ITPR3: variants seen among roughly 807,000 people sequenced by gnomAD.
ITPR3 encodes the protein inositol 1,4,5-trisphosphate-gated calcium channel ITPR3.
Under a neutral mutation model 293.2 loss-of-function variants are expected in ITPR3, and 173 were observed. The observed-to-expected ratio is 0.59, with a 90% CI of 0.52 to 0.67. ITPR3 has a LOEUF of 0.67. Among genes scored for constraint, ITPR3 ranks in the 30% least tolerant of loss-of-function variants. ITPR3 has a pLI of 0.00. For synonymous variants in ITPR3, 1,295 were observed against 1,444.4 expected (o/e 0.90, Z 2.35); for missense variants, 2,796 against 3,592.1 (o/e 0.78, Z 5.66).
At chr6:33,645,566 G>A (rs552157455) in intron 2 of ITPR3, among the ~76,000 whole-genome samples, 3 of 152,260 alleles carry the variant, frequency 2.0e-5, no homozygotes, top group East Asian at 3.9e-4. Context: ...TCGTGTGCTC[G>A]GGTTCCTCTG....
Position 33,675,800 on chromosome 6 carries a change from C to A in ITPR3, c.3226C>A (p.Gln1076Lys). 6.2e-7 allele frequency: 1 copy of A among 1,604,988 alleles called. No homozygotes were observed. The highest frequency in any genetic ancestry group is 1.1e-5 in the South Asian group (1 of 89,690). Reference sequence around the variant, plus strand: ...TGCGCCGCTGGTCTCGGGTGCCCTGCAGCTGCTCTTCAAGCACTTCAGCCA... The same window carrying A: ...TGCGCCGCTGGTCTCGGGTGCCCTGAAGCTGCTCTTCAAGCACTTCAGCCA... The part of the protein sequence containing the change: ...DYAPLVSGAL[Q>K]LLFKHFSQRQ... Residue 1076 changes from glutamine (Q) to lysine (K), a missense_variant, in exon 25 of 58, where the codon CAG becomes AAG. This residue lies in a region of ITPR3 where 955 missense variants were observed against 1,180.8 expected (regional missense o/e 0.81). Coordinates refer to ENST00000605930, the MANE Select transcript of ITPR3 (RefSeq NM_002224.4). The surrounding 1 kb of genome is among the most constrained non-coding windows in gnomAD (Gnocchi z 5.0).
chr6:33,693,702 C>G lies in ITPR3; in HGVS notation c.7782C>G (p.Ile2594Met), dbSNP rs1403725981. 8 of 1,613,890 alleles carry G rather than the reference C, an allele frequency of 5.0e-6. No homozygotes were observed. Among genetic ancestry groups the G allele is most frequent in the Non-Finnish European group, 6.8e-6 (8 of 1,179,958 alleles). ...TGPESYVAQM[I>M]KNKNLDWFPR... The stretch of plus-strand genomic sequence containing the variant: ...CTGAGAGCTACGTGGCCCAGATGAT[C>G]AAGGTGTGAGCAGGGGCTGTGCCAG... The change falls in exon 56 of 58, where the codon ATC (isoleucine) becomes ATG (methionine). Residue 2594 changes from isoleucine (I) to methionine (M), a missense_variant. Transcript: ENST00000605930.
rs763823799 is a variant in ITPR3 at position 33,677,016 on chromosome 6, G to T, written c.3449G>T (p.Arg1150Leu). The change falls in exon 27 of 58, where the codon CGT becomes CTT. Residue 1150 changes from arginine to leucine, a missense_variant and splice_region_variant. Physicochemically the swap from Arg to Leu is moderately radical, Grantham distance 102. Transcript: ENST00000605930. Reference protein sequence around the residue: ...EAGAAKDKKERPTDEEGFLHP... With the variant: ...EAGAAKDKKELPTDEEGFLHP... ...TCTCCTTCCTCTCTCTGCTTTCAGC[G>T]TCCCACGGACGAGGAGGGCTTTCTG... is the stretch of plus-strand genomic sequence containing the variant. 3.1e-6 allele frequency: 5 copies of T among 1,614,186 alleles called. No homozygotes were observed. Among genetic ancestry groups the T allele is most frequent in the Non-Finnish European group, 8.5e-7 (1 of 1,180,012 alleles).
chr6:33,686,018 A>G, intron 41 of ITPR3, 35 bp from the exon 42 acceptor site: 1 of 1,609,670 alleles, frequency 6.2e-7, no homozygotes, highest in South Asian at 1.1e-5. Flanking sequence ...TCCGTGCTGT[A>G]GCTGTGCTGT....
chr6:33,653,646 A>G (rs1224252639), intron 2 of ITPR3, among the ~76,000 whole-genome samples: 1 of 152,228 alleles, frequency 6.6e-6, no homozygotes, highest in Non-Finnish European at 1.5e-5. Flanking sequence ...AACACTGCTC[A>G]TAGATGTCCA....
At chr6:33,685,983 C>T (rs1765219210) in intron 41 of ITPR3, 70 bp from the exon 42 acceptor site, 3 of 1,567,428 alleles carry the variant, frequency 1.9e-6, no homozygotes, top group Admixed American at 1.7e-5. Flanking sequence ...CACACAAGAT[C>T]GTGCTTCCCA....
Position 33,686,439 on chromosome 6 carries a change from A to T in ITPR3, c.5899A>T (p.Ile1967Leu), listed in dbSNP as rs201571621. The T allele has an allele frequency of 6.2e-6, 10 of 1,614,118 alleles. 1 individual carries two copies. In the Admixed American group the frequency reaches 1.7e-4, roughly 27 times the overall value. ...TCIVTHESNGIDIITALILND... is the reference protein window; with the variant it reads ...TCIVTHESNGLDIITALILND... ...CATTGTGACTCACGAGTCCAATGGC[A>T]TAGACATCATCACCGCACTGATCCT... The change falls in exon 43 of 58, where the codon ATA becomes TTA. Residue 1967 changes from isoleucine to leucine, a missense_variant. Physicochemically the swap from Ile to Leu is conservative, Grantham distance 5. Transcript: ENST00000605930.
chr6:33,659,614 C>A, intron 7 of ITPR3, 65 bp downstream of exon 7: 2 of 1,361,488 alleles, frequency 1.5e-6, no homozygotes, highest in Non-Finnish European at 2.1e-6. Flanking sequence ...GGGCCCTCTT[C>A]CTGCCTTCTC....
In ITPR3 at chr6:33,686,789, G is replaced by A. The variant is rs373977916; in HGVS notation, c.5980-220G>A. On this transcript the variant is annotated intron_variant, in intron 43 of 57. Coordinates refer to ENST00000605930, the MANE Select transcript of ITPR3 (RefSeq NM_002224.4). ...TTGCTATGTGTGTGTCTGCTGTCTG[G>A]GTAGCTGAGTGTTTGCCACAGCGGG... Among the ~76,000 whole-genome samples the A allele has an allele frequency of 7.5e-4, 114 of 152,286 alleles. 3 individuals carry two copies. In the South Asian group the frequency reaches 0.02, roughly 27 times the overall value.
chr6:33,687,312 T>C lies in ITPR3; in HGVS notation c.6162T>C (p.Tyr2054=). 6.2e-7 allele frequency: 1 copy of C among 1,610,054 alleles called. No homozygotes were observed. The highest frequency in any genetic ancestry group is 8.5e-7 in the Non-Finnish European group (1 of 1,176,752). The stretch of plus-strand genomic sequence containing the variant: ...CACGTGAAGTGGGCCATAACATCTA[T>C]ATCCTGGCGCTGCAGGTACCAGTTC... ...VSPREVGHNI[Y]ILALQLSRHN... The change falls in exon 45 of 58, where the codon TAT becomes TAC. Residue 2054 remains tyrosine, a synonymous_variant. Coordinates refer to ENST00000605930, the MANE Select transcript of ITPR3 (RefSeq NM_002224.4). The surrounding 1 kb of genome is among the most constrained non-coding windows in gnomAD (Gnocchi z 5.3).
At chr6:33,635,964 A>T (rs905404729) in intron 1 of ITPR3, among the ~76,000 whole-genome samples, 1 of 151,606 alleles carries the variant, frequency 6.6e-6, no homozygotes, top group African/African-American at 2.4e-5. Context: ...TTCTGAGTGG[A>T]GTGCTGGCCT....
intron 3 of ITPR3, 49 bp from the exon 4 acceptor site, chr6:33,657,883 T>C: frequency 6.5e-7 from 1 of 1,539,122 alleles, no homozygotes; most frequent in Non-Finnish European, 9.0e-7. Flanking sequence ...TGTCTTCCTC[T>C]AGGAGCAGCT....
intron 2 of ITPR3, among the ~76,000 whole-genome samples, chr6:33,648,628 G>A (rs544617895): frequency 6.7e-6 from 1 of 150,288 alleles, no homozygotes; most frequent in South Asian, 2.1e-4. Flanking sequence ...TTTCTTTTCT[G>A]AGACAGGGTC....
intron 25 of ITPR3, 82 bp from the exon 26 acceptor site, chr6:33,676,686 A>C: frequency 6.6e-7 from 1 of 1,524,116 alleles, no homozygotes; most frequent in Non-Finnish European, 9.0e-7. Context: ...GGGGAACCCT[A>C]GAGTAAGGAA....
chr6:33,695,103 T>C lies in ITPR3; in HGVS notation c.7947+18T>C, dbSNP rs1182725064. ...AGGAGCAGGTGTGCACCCCGCCTGA[T>C]CCCAGGCCCACCCTGGGTTCTATCC... is the stretch of plus-strand genomic sequence containing the variant. On this transcript the variant is annotated intron_variant, in intron 57 of 57. Transcript: ENST00000605930. 6.2e-7 allele frequency: 1 copy of C among 1,611,774 alleles called. No homozygotes were observed. Among genetic ancestry groups the C allele is most frequent in the South Asian group, 1.1e-5 (1 of 90,990 alleles).
At chr6:33,661,168 C>T (rs924563857) in intron 7 of ITPR3, among the ~76,000 whole-genome samples, 1 of 152,220 alleles carries the variant, frequency 6.6e-6, no homozygotes, top group African/African-American at 2.4e-5. Flanking sequence ...ATCTTTATAT[C>T]GTCATTCATT....
In ITPR3 at chr6:33,683,381, T is replaced by C. The variant is rs151124791; in HGVS notation, c.4772T>C (p.Ile1591Thr). The C allele has an allele frequency of 4.6e-4, 733 of 1,577,458 alleles. No homozygotes were observed. The highest frequency in any genetic ancestry group is 5.9e-4 in the Non-Finnish European group (684 of 1,159,028). The change falls in exon 35 of 58, where the codon ATC becomes ACC. Residue 1591 changes from isoleucine (I) to threonine (T), a missense_variant. By Grantham distance (89) the Ile-to-Thr change is moderately conservative. This residue lies in a region of ITPR3 where 704 missense variants were observed against 797.5 expected (regional missense o/e 0.88). Transcript: ENST00000605930. The surrounding 1 kb of genome is among the most constrained non-coding windows in gnomAD (Gnocchi z 4.5). ...PTANQWDYKN[I>T]IEKLQDIITA... Reference sequence around the variant, plus strand: ...GCCAACCAGTGGGACTACAAGAACATCATTGAGAAGCTGCAGGTGGGTGTG... The same window carrying C: ...GCCAACCAGTGGGACTACAAGAACACCATTGAGAAGCTGCAGGTGGGTGTG...
At chr6:33,657,815 CTG>C (rs3831080) in intron 3 of ITPR3, 115 bp from the exon 4 acceptor site, 20,651 of 613,116 alleles carry the variant, frequency 0.034, no homozygotes, top group Non-Finnish European at 0.038. Flanking sequence ...TCCAGGGTGA[CTG>C]TGTGTGTGTG....
chr6:33,687,157 TGGG>T lies in ITPR3; in HGVS notation c.6075+55_6075+57del. On this transcript the variant is annotated intron_variant, in intron 44 of 57. Transcript: ENST00000605930. This position sits in a 1 kb window ranked among gnomAD's most constrained non-coding sequence, Gnocchi z 5.3. ...CGGAACCAGGTGGAGTGTGTTGGGATGGGGATGAGGGCCCGGCTGGCCCTACCG... is the reference window on the plus strand; with the variant it reads ...CGGAACCAGGTGGAGTGTGTTGGGATGATGAGGGCCCGGCTGGCCCTACCG... 1 of 1,602,062 alleles carries T rather than the reference TGGG, an allele frequency of 6.2e-7. No individual in the cohort carries two copies. The highest frequency in any genetic ancestry group is 8.5e-7 in the Non-Finnish European group (1 of 1,169,822).
Sources: allele counts gnomAD v4.1 joint callset (sites outside exome capture counted in the v4.1 genomes callset), GRCh38; gene constraint gnomAD v4.1.1; regional missense constraint gnomAD v4.1.1; non-coding constraint Gnocchi (gnomAD v3.1); transcripts MANE v1.5; gene names NCBI Gene and HGNC (gene_info 2026-07-23, HGNC 2026-07-21).